SMC5: variants seen among roughly 807,000 people sequenced by gnomAD.
SMC5 encodes the protein structural maintenance of chromosomes protein 5.
SMC5 carries 88 observed loss-of-function variants against 148.3 expected under a neutral mutation model. The observed-to-expected ratio is 0.59, with a 90% CI of 0.50 to 0.71. The LOEUF is 0.71. SMC5 is among the 30% of genes least tolerant of loss of function. The pLI, the probability that SMC5 is intolerant of heterozygous loss-of-function variation, is 0.00. For missense variants in SMC5, 1,142 were observed against 1,298.9 expected (o/e 0.88, Z 1.86); for synonymous variants, 421 against 432.8 (o/e 0.97, Z 0.34).
chr9:70,264,285 T>C lies in SMC5; in HGVS notation c.186-19T>C, dbSNP rs2034214650. The C allele has an allele frequency of 6.3e-7, 1 of 1,598,958 alleles. No homozygotes were observed. Among genetic ancestry groups the C allele is most frequent in the Non-Finnish European group, 8.5e-7 (1 of 1,172,016 alleles). On this transcript the variant is annotated intron_variant, in intron 1 of 24. Transcript: ENST00000361138. ...GGTTTTGTATCTCTCCTTAATAATT[T>C]CATCTCTTTATAATTCAGAACATAT...
In SMC5 at chr9:70,318,919, C is replaced by A. The variant is rs534219338; in HGVS notation, c.2106C>A (p.Thr702=). 7.5e-6 allele frequency: 12 copies of A among 1,610,528 alleles called. No homozygotes were observed. The South Asian group carries it at 1.2e-4, about 16-fold the overall frequency. The change falls in exon 15 of 25, where the codon ACC becomes ACA. Residue 702 remains threonine, a synonymous_variant. Coordinates refer to ENST00000361138, the MANE Select transcript of SMC5 (RefSeq NM_015110.4). ...QKKKELLERK[T]KKRQLEQKIS... ...AGAAGGAGCTTCTTGAGAGAAAAAC[C>A]AAGAAAAGACAACTGGAACAAAAAA...
intron 20 of SMC5, 100 bp from the exon 21 acceptor site, chr9:70,347,513 C>G: frequency 1.6e-6 from 1 of 634,710 alleles, no homozygotes; most frequent in Non-Finnish European, 2.7e-6. Context: ...CAATGCAGCA[C>G]AATTGGCATT....
At chr9:70,319,145 G>T (rs1405095792) in intron 15 of SMC5, among the ~76,000 whole-genome samples, 182 bp downstream of exon 15, 1 of 152,166 alleles carries the variant, frequency 6.6e-6, no homozygotes, top group African/African-American at 2.4e-5. Flanking sequence ...AATCTTGAGT[G>T]TTGCAAGTTC....
chr9:70,294,095 A>C (rs1273914574), intron 8 of SMC5, among the ~76,000 whole-genome samples: 1 of 152,154 alleles, frequency 6.6e-6, no homozygotes, highest in African/African-American at 2.4e-5. Flanking sequence ...GTAAGGATGT[A>C]GGTAAAGTGA....
At chr9:70,280,708 C>G (rs2034725737) in intron 5 of SMC5, 51 bp from the exon 6 acceptor site, 1 of 1,528,134 alleles carries the variant, frequency 6.5e-7, no homozygotes, top group Non-Finnish European at 8.8e-7. Context: ...AAGATGTGAC[C>G]TGTTGTCATT....
intron 8 of SMC5, among the ~76,000 whole-genome samples, chr9:70,295,248 GA>G (rs2035166125): frequency 6.6e-6 from 1 of 151,700 alleles, no homozygotes; most frequent in South Asian, 2.1e-4. Flanking sequence ...GGCGGATCAC[GA>G]GGTCAGGAGA....
At chr9:70,289,556 G>A (rs2035003386) in intron 8 of SMC5, among the ~76,000 whole-genome samples, 1 of 152,002 alleles carries the variant, frequency 6.6e-6, no homozygotes, top group Admixed American at 6.6e-5. Flanking sequence ...TTAAACAGAT[G>A]AAGAAGTTTA....
At chr9:70,275,365 A>T (rs2034560379) in intron 3 of SMC5, among the ~76,000 whole-genome samples, 1 of 151,670 alleles carries the variant, frequency 6.6e-6, no homozygotes, top group African/African-American at 2.4e-5. Flanking sequence ...AGCTTTTTAA[A>T]TTTTTTTTAT....
At chr9:70,291,490 C>T (rs962965351) in intron 8 of SMC5, among the ~76,000 whole-genome samples, 3 of 152,198 alleles carry the variant, frequency 2.0e-5, no homozygotes, top group African/African-American at 7.2e-5. Context: ...TAGCCCTGGG[C>T]ATGCACACAG....
intron 10 of SMC5, among the ~76,000 whole-genome samples, chr9:70,303,410 A>G (rs1448754219): frequency 6.6e-6 from 1 of 152,110 alleles, no homozygotes; most frequent in Non-Finnish European, 1.5e-5. Flanking sequence ...TTTTATTTGT[A>G]TCATTTCTTC....
At chr9:70,332,076 TAACAC>T (rs1206836454) in intron 17 of SMC5, among the ~76,000 whole-genome samples, 1 of 152,196 alleles carries the variant, frequency 6.6e-6, no homozygotes, top group Non-Finnish European at 1.5e-5. Flanking sequence ...ACACATTTCT[TAACAC>T]TAAACTACCA....
chr9:70,341,893 A>T (rs370282411), intron 17 of SMC5, among the ~76,000 whole-genome samples: 1 of 151,670 alleles, frequency 6.6e-6, no homozygotes. Context: ...TACTGGGTAT[A>T]TACCCAAAGG....
chr9:70,277,243 G>C, intron 3 of SMC5, 67 bp from the exon 4 acceptor site: 4 of 1,147,786 alleles, frequency 3.5e-6, no homozygotes. Context: ...GAGAATTTTG[G>C]GAATTTTATT....
rs147983897 is a variant in SMC5, at chr9:70,295,069, C to G, written c.1054-2897C>G. Among the ~76,000 whole-genome samples, 598 of 152,218 alleles carry G rather than the reference C, an allele frequency of 3.9e-3. 3 individuals carry two copies. Among genetic ancestry groups the G allele is most frequent in the African/African-American group, 0.013 (553 of 41,528 alleles). On this transcript the variant is annotated intron_variant, in intron 8 of 24. Coordinates refer to ENST00000361138, the MANE Select transcript of SMC5 (RefSeq NM_015110.4). The stretch of plus-strand genomic sequence containing the variant: ...GGATTAATGAGAATACCCTCCCCAC[C>G]TCCATGTCCTGAAATAATGGCAGGA...
In SMC5 at chr9:70,322,522, G is replaced by A. The variant is rs115509489; in HGVS notation, c.2151-961G>A. Reference sequence around the variant, plus strand: ...GTTGCAAAATTTATTTTCTTTGCATGTTCCTACCCCATTCAAGAATATTCA... The same window carrying A: ...GTTGCAAAATTTATTTTCTTTGCATATTCCTACCCCATTCAAGAATATTCA... On this transcript the variant is annotated intron_variant, in intron 15 of 24. Transcript: ENST00000361138. Among the ~76,000 whole-genome samples, 625 of 152,252 alleles carry A rather than the reference G, an allele frequency of 4.1e-3. 2 individuals carry two copies. Among genetic ancestry groups the A allele is most frequent in the African/African-American group, 0.013 (541 of 41,556 alleles).
At chr9:70,282,694 C>G (rs2034784867) in intron 7 of SMC5, 111 bp downstream of exon 7, 6 of 1,135,724 alleles carry the variant, frequency 5.3e-6, no homozygotes, top group Non-Finnish European at 7.2e-6. Flanking sequence ...TCTTTCATTT[C>G]TTAAGTTTTT....
chr9:70,347,084 A>G lies in SMC5; in HGVS notation c.2587A>G (p.Asn863Asp), dbSNP rs946440680. 2 of 1,613,850 alleles carry G rather than the reference A, an allele frequency of 1.2e-6. No individual in the cohort carries two copies. Among genetic ancestry groups the G allele is most frequent in the East Asian group, 2.2e-5 (1 of 44,866 alleles). Residue 863 changes from asparagine to aspartate, a missense_variant, in exon 20 of 25, where the codon AAC becomes GAC. Transcript: ENST00000361138. ...SLPMVFQDLP[N>D]TLDEIDALLT... ...TTCTTAGGTTTTCCAAGACCTTCCAAACACATTGGATGAAATTGATGCTTT... is the reference window on the plus strand; with the variant it reads ...TTCTTAGGTTTTCCAAGACCTTCCAGACACATTGGATGAAATTGATGCTTT...
intron 3 of SMC5, among the ~76,000 whole-genome samples, chr9:70,272,798 AG>A (rs2034486452): frequency 6.6e-6 from 1 of 152,222 alleles, no homozygotes; most frequent in African/African-American, 2.4e-5. Flanking sequence ...AGAGTTGGCT[AG>A]TGAGTCAGAA....
At chr9:70,338,241 C>A (rs2036418088) in intron 17 of SMC5, among the ~76,000 whole-genome samples, 1 of 152,100 alleles carries the variant, frequency 6.6e-6, no homozygotes. Flanking sequence ...AAACTCCTAA[C>A]CTCAAGCAGT....
Sources: gnomAD v4.1 joint callset for allele counts (sites outside exome capture counted in the v4.1 genomes callset) on GRCh38, gnomAD v4.1.1 for gene constraint, MANE v1.5 for transcripts, NCBI Gene and HGNC (gene_info 2026-07-23, HGNC 2026-07-21) for gene names.